Variants in E2F5 observed in about 807,000 individuals in gnomAD.
E2F5 encodes transcription factor E2F5.
Under a neutral mutation model 39.1 loss-of-function variants are expected in E2F5, and 23 were observed. The ratio of observed to expected loss-of-function variants is 0.59; its 90% CI spans 0.42 to 0.83. The LOEUF (loss-of-function observed/expected upper bound fraction) is 0.83. Among genes scored for constraint, E2F5 ranks in the 40% least tolerant of loss-of-function variants. The probability of loss-of-function intolerance (pLI) is 0.00; values close to 1 mark genes in which losing one functional copy is unlikely to be tolerated. For missense variants in E2F5, 365 were observed against 406.7 expected (o/e 0.90, Z 0.88); for synonymous variants, 145 against 157.8 (o/e 0.92, Z 0.61).
intron 1 of E2F5, among the ~76,000 whole-genome samples, chr8:85,191,890 A>G (rs1204302766): frequency 1.3e-5 from 2 of 152,232 alleles, no homozygotes; most frequent in Non-Finnish European, 2.9e-5. Context: ...GTGAGAGGAC[A>G]TTCCTAGTCA....
At chr8:85,200,253 A>G (rs943645963) in intron 1 of E2F5, 4 of 950,724 alleles carry the variant, frequency 4.2e-6, no homozygotes, top group Non-Finnish European at 5.0e-6. Flanking sequence ...TCTCAAAAAA[A>G]AAAAAGAATG....
At chr8:85,211,059 G>A (rs1362098564) in intron 6 of E2F5, among the ~76,000 whole-genome samples, 1 of 152,052 alleles carries the variant, frequency 6.6e-6, no homozygotes, top group African/African-American at 2.4e-5. Context: ...AACTGTAGAT[G>A]TTTGCAGTTA....
chr8:85,182,266 A>G (rs1169177518), intron 1 of E2F5, among the ~76,000 whole-genome samples: 2 of 152,194 alleles, frequency 1.3e-5, no homozygotes, highest in East Asian at 3.9e-4. Context: ...AACATTTTAC[A>G]TGTTTTTAGC....
intron 1 of E2F5, among the ~76,000 whole-genome samples, chr8:85,191,551 T>C (rs1166069647): frequency 6.6e-6 from 1 of 152,220 alleles, no homozygotes; most frequent in Non-Finnish European, 1.5e-5. Flanking sequence ...TATATGATTT[T>C]TAATTACCAA....
chr8:85,213,732 A>G (rs887831826), intron 7 of E2F5, 21 bp from the exon 8 acceptor site: 3 of 1,349,444 alleles, frequency 2.2e-6, no homozygotes, highest in African/African-American at 1.4e-5. Context: ...CTTTAACACT[A>G]AATTTGTTTT....
In E2F5 at chr8:85,209,280, C is replaced by T; in HGVS notation, c.754C>T (p.Pro252Ser). Reference sequence around the variant, plus strand: ...TCCCCCACCTGATGACCTCACACAGCCTTCCTCCCAGTCCTTGACTCCAGT... The same window carrying T: ...TCCCCCACCTGATGACCTCACACAGTCTTCCTCCCAGTCCTTGACTCCAGT... ...PVPPPDDLTQ[P>S]SSQSLTPVTP... The change falls in exon 6 of 8, where the codon CCT becomes TCT. Residue 252 changes from proline (P) to serine (S), a missense_variant. Pro to Ser is a moderately conservative substitution (Grantham distance 74). Coordinates refer to ENST00000416274, the MANE Select transcript of E2F5 (RefSeq NM_001951.4). The T allele has an allele frequency of 6.2e-7, 1 of 1,613,994 alleles. No homozygotes were observed. The highest frequency in any genetic ancestry group is 8.5e-7 in the Non-Finnish European group (1 of 1,179,900).
chr8:85,202,293 T>TTC lies in E2F5; in HGVS notation c.344+38_344+39insCT, dbSNP rs869158829. ...ACCAGCACCCTCTTCTGAAACCTTT[T>TTC]TTCTTCTCAGTGCTCTGTAAAATTT... On this transcript the variant is annotated intron_variant, in intron 2 of 7. Coordinates refer to ENST00000416274, the MANE Select transcript of E2F5 (RefSeq NM_001951.4). 10 of 758,278 alleles carry TTC rather than the reference T, an allele frequency of 1.3e-5. No individual in the cohort carries two copies. In the African/African-American group the frequency reaches 2.0e-4, roughly 15 times the overall value. 47.0% of individuals were successfully genotyped at this position (758,278 alleles called of 1,614,324 possible).
chr8:85,207,501 A>G lies in E2F5; in HGVS notation c.615+12A>G. 6.5e-7 allele frequency: 1 copy of G among 1,548,990 alleles called. No homozygotes were observed. Among genetic ancestry groups the G allele is most frequent in the South Asian group, 1.2e-5 (1 of 83,204 alleles). Reference sequence around the variant, plus strand: ...CCATTCCAGAAATGGTATGTAGGATAACTTATGTTTATATAAGTGGGAAAA... The same window carrying G: ...CCATTCCAGAAATGGTATGTAGGATGACTTATGTTTATATAAGTGGGAAAA... On this transcript the variant is annotated intron_variant, in intron 5 of 7. Coordinates refer to ENST00000416274, the MANE Select transcript of E2F5 (RefSeq NM_001951.4).
At chr8:85,203,635 C>T (rs959832973) in intron 3 of E2F5, among the ~76,000 whole-genome samples, 1 of 151,540 alleles carries the variant, frequency 6.6e-6, no homozygotes, top group Non-Finnish European at 1.5e-5. Context: ...TAAAATTCAG[C>T]AGCTCTCAAA....
chr8:85,194,358 A>G (rs1362913631), intron 1 of E2F5, among the ~76,000 whole-genome samples: 1 of 152,022 alleles, frequency 6.6e-6, no homozygotes, highest in African/African-American at 2.4e-5. Context: ...AATTTTTTAG[A>G]TTATTTTAAA....
chr8:85,179,289 G>A (rs936441093), intron 1 of E2F5, among the ~76,000 whole-genome samples: 1 of 152,122 alleles, frequency 6.6e-6, no homozygotes. Context: ...GAACTCTGAC[G>A]GCTGGACTTT....
intron 6 of E2F5, 126 bp downstream of exon 6, chr8:85,209,535 T>C: frequency 8.7e-7 from 1 of 1,149,904 alleles, no homozygotes; most frequent in Non-Finnish European, 1.2e-6. Context: ...AATATTTGCA[T>C]ATACATAATA....
chr8:85,213,793 C>T lies in E2F5; in HGVS notation c.972C>T (p.Asp324=). Residue 324 remains aspartate, a synonymous_variant, in exon 8 of 8, where the codon GAC becomes GAT. Coordinates refer to ENST00000416274, the MANE Select transcript of E2F5 (RefSeq NM_001951.4). ...LLRLSPTPAD[D]YNFNLDDNEG... ...GGCTTTCTCCTACCCCGGCAGATGA[C>T]TACAACTTTAATTTAGATGATAACG... The T allele has an allele frequency of 6.2e-7, 1 of 1,613,354 alleles. No homozygotes were observed. Among genetic ancestry groups the T allele is most frequent in the Non-Finnish European group, 8.5e-7 (1 of 1,179,588 alleles).
chr8:85,210,296 TG>T (rs1467549940), intron 6 of E2F5, among the ~76,000 whole-genome samples: 1 of 152,230 alleles, frequency 6.6e-6, no homozygotes, highest in Non-Finnish European at 1.5e-5. Flanking sequence ...GGACATGGAA[TG>T]TTTTTTAGCT....
At chr8:85,189,610 C>A (rs1463479648) in intron 1 of E2F5, among the ~76,000 whole-genome samples, 2 of 152,108 alleles carry the variant, frequency 1.3e-5, no homozygotes, top group Non-Finnish European at 2.9e-5. Context: ...CCCAAGTGAT[C>A]CACCCGCCTC....
At chr8:85,201,021 G>A (rs1812686556) in intron 1 of E2F5, among the ~76,000 whole-genome samples, 1 of 152,124 alleles carries the variant, frequency 6.6e-6, no homozygotes, top group Admixed American at 6.6e-5. Flanking sequence ...TGGGGGTTTT[G>A]GTGGCACATA....
Position 85,203,230 on chromosome 8 carries a change from G to A in E2F5, c.481G>A (p.Val161Met). The A allele has an allele frequency of 6.2e-7, 1 of 1,600,206 alleles. No homozygotes were observed. The highest frequency in any genetic ancestry group is 8.5e-7 in the Non-Finnish European group (1 of 1,173,392). Residue 161 changes from valine to methionine, a missense_variant, in exon 3 of 8, where the codon GTG (valine) becomes ATG (methionine). Coordinates refer to ENST00000416274, the MANE Select transcript of E2F5 (RefSeq NM_001951.4). ...KLWLQQSIKNVMDDSINNRFS... is the reference protein window; with the variant it reads ...KLWLQQSIKNMMDDSINNRFS... ...GTGGCTACAGCAAAGCATCAAAAAT[G>A]TGATGGACGATTCCATTAATAATAG...
At chr8:85,194,716 G>A (rs1033437912) in intron 1 of E2F5, among the ~76,000 whole-genome samples, 1 of 151,112 alleles carries the variant, frequency 6.6e-6, no homozygotes, top group Non-Finnish European at 1.5e-5. Flanking sequence ...TGTAGTTTTA[G>A]TAGAGACAGG....
chr8:85,213,556 A>AAAAAAAAAAAAG, intron 7 of E2F5, 197 bp from the exon 8 acceptor site: 2 of 282,642 alleles, frequency 7.1e-6, no homozygotes, highest in African/African-American at 4.5e-5. Context: ...AAAAAAAAAA[A>AAAAAAAAAAAAG]AAAAAGAAAA....
Sources: allele counts gnomAD v4.1 joint callset (sites outside exome capture counted in the v4.1 genomes callset), GRCh38; gene constraint gnomAD v4.1.1; transcripts MANE v1.5; gene names NCBI Gene and HGNC (gene_info 2026-07-23, HGNC 2026-07-21).